The following GAD1 variants were observed in gnomAD, a reference collection of about 807,000 sequenced individuals.
GAD1 encodes glutamate decarboxylase 1.
Under a neutral mutation model 75.2 loss-of-function variants are expected in GAD1, and 35 were observed. The ratio of observed to expected loss-of-function variants is 0.47; its 90% CI spans 0.36 to 0.62. The LOEUF (loss-of-function observed/expected upper bound fraction) is 0.62, where lower values mean the gene tolerates loss of function less well. GAD1 is among the 20% of genes least tolerant of loss of function. GAD1 has a pLI of 0.00. For synonymous variants in GAD1, 257 were observed against 271.9 expected, an observed-to-expected ratio of 0.95 and a Z score of 0.54; for missense variants, 490 against 758.5, an observed-to-expected ratio of 0.65 and a Z score of 4.16.
intron 5 of GAD1, among the ~76,000 whole-genome samples, chr2:170,833,876 T>C (rs1575434228): frequency 6.6e-6 from 1 of 152,244 alleles, no homozygotes; most frequent in South Asian, 2.1e-4. Context: ...AGTGTGCACC[T>C]GTGATCCCAG....
intron 5 of GAD1, among the ~76,000 whole-genome samples, chr2:170,832,770 G>A (rs1702274763): frequency 6.6e-6 from 1 of 152,128 alleles, no homozygotes; most frequent in African/African-American, 2.4e-5. Context: ...TCTATTTCCA[G>A]TGGGAGTCCT....
rs1469948914 is a variant in GAD1, at chr2:170,818,576, C to T, written c.-16C>T. 2.5e-6 allele frequency: 4 copies of T among 1,613,444 alleles called. No individual in the cohort carries two copies. The highest frequency in any genetic ancestry group is 2.7e-5 in the African/African-American group (2 of 74,898). On this transcript the variant is annotated 5_prime_UTR_variant, in exon 2 of 17. Coordinates refer to ENST00000358196, the MANE Select transcript of GAD1 (RefSeq NM_000817.3). This position sits in a 1 kb window ranked among gnomAD's most constrained non-coding sequence, Gnocchi z 5.9. The stretch of plus-strand genomic sequence containing the variant: ...CGAGGACTCTGGACAGTAGAGGCCC[C>T]GGGACGACCGAGCTGATGGCGTCTT...
chr2:170,828,992 C>A, intron 3 of GAD1: 1 of 243,220 alleles, frequency 4.1e-6, no homozygotes, highest in Non-Finnish European at 7.9e-6. Flanking sequence ...CTCAGCTGTC[C>A]TCACCTCTCC....
chr2:170,846,766 G>A (rs1702641118), intron 10 of GAD1, among the ~76,000 whole-genome samples: 1 of 152,242 alleles, frequency 6.6e-6, no homozygotes, highest in Non-Finnish European at 1.5e-5. Flanking sequence ...AGCACTTTGG[G>A]AGGCTGAGGC....
intron 14 of GAD1, among the ~76,000 whole-genome samples, chr2:170,856,037 A>AT (rs1215803577): frequency 6.6e-6 from 1 of 152,156 alleles, no homozygotes; most frequent in Non-Finnish European, 1.5e-5. Context: ...GACCATAGTG[A>AT]TTGGTTGCTG....
At chr2:170,845,918 T>C (rs1016356753) in intron 9 of GAD1, 91 bp from the exon 10 acceptor site, 2 of 1,470,400 alleles carry the variant, frequency 1.4e-6, no homozygotes, top group African/African-American at 2.8e-5. Context: ...AAATATCCGA[T>C]TAAATTGCTT....
At chr2:170,816,414 G>A (rs1459647690), upstream of GAD1, 2 of 152,228 alleles carry the variant, frequency 1.3e-5, no homozygotes, top group African/African-American at 4.8e-5. Flanking sequence ...TTTCGCTCAA[G>A]GAAGCGTCGC....
chr2:170,856,610 T>G (rs906622419), intron 14 of GAD1, among the ~76,000 whole-genome samples: 1 of 152,244 alleles, frequency 6.6e-6, no homozygotes, highest in Non-Finnish European at 1.5e-5. Context: ...CTGTTTTTTA[T>G]TAGAGTCAAC....
chr2:170,818,341 A>C lies in GAD1; in HGVS notation c.-63-188A>C. 20 of 526,234 alleles carry C rather than the reference A, an allele frequency of 3.8e-5. No homozygotes were observed. Among genetic ancestry groups the C allele is most frequent in the East Asian group, 1.0e-4 (3 of 29,416 alleles). The allele number at this position is 526,234 out of a possible 1,614,324, so 32.6% of individuals were successfully genotyped here. ...CTCCCTGCGCCCCAGTACCGGAGCT[A>C]GCGCGCACGTCTCCTCCGCTGCCCC... On this transcript the variant is annotated intron_variant, in intron 1 of 16. Transcript: ENST00000358196. This position sits in a 1 kb window ranked among gnomAD's most constrained non-coding sequence, Gnocchi z 5.9.
chr2:170,848,722 C>T (rs772282561), intron 11 of GAD1: 1 of 518,690 alleles, frequency 1.9e-6, no homozygotes, highest in South Asian at 1.4e-5. Context: ...GATCATCTGC[C>T]TTGCTACTGA....
In GAD1 at chr2:170,860,077, C is replaced by A. The variant is rs879082863; in HGVS notation, c.*195C>A. The A allele has an allele frequency of 1.6e-6, 1 of 618,208 alleles. No individual in the cohort carries two copies. The highest frequency in any genetic ancestry group is 1.9e-5 in the South Asian group (1 of 53,108). The allele number at this position is 618,208 out of a possible 1,614,324, so 38.3% of individuals were successfully genotyped here. A position where few individuals can be genotyped will look rare whatever the true frequency, so the allele number is the denominator to read the frequency against. ...AAATAGTGTTCTTTTTAAAAAGTTG[C>A]ACATTAGGAACAGAGTATATATGTA... On this transcript the variant is annotated 3_prime_UTR_variant, in exon 17 of 17. Coordinates refer to ENST00000358196, the MANE Select transcript of GAD1 (RefSeq NM_000817.3).
intron 14 of GAD1, among the ~76,000 whole-genome samples, chr2:170,855,112 AAAC>A (rs138723969): frequency 0.025 from 3,846 of 152,254 alleles, 163 homozygotes; most frequent in African/African-American, 0.088. Context: ...ACTAACACTC[AAAC>A]AACAAGATTT....
intron 5 of GAD1, among the ~76,000 whole-genome samples, chr2:170,834,047 A>G (rs893573457): frequency 6.6e-6 from 1 of 151,898 alleles, no homozygotes; most frequent in African/African-American, 2.4e-5. Flanking sequence ...GACTTTCATT[A>G]GTCCAGTGTA....
chr2:170,850,209 G>A (rs1343142074), intron 12 of GAD1, among the ~76,000 whole-genome samples: 2 of 152,188 alleles, frequency 1.3e-5, no homozygotes, highest in South Asian at 2.1e-4. Context: ...TAAGAGATTT[G>A]TCCTCCTGAA....
chr2:170,834,174 T>C (rs1384345421), intron 5 of GAD1, among the ~76,000 whole-genome samples: 1 of 152,168 alleles, frequency 6.6e-6, no homozygotes, highest in Non-Finnish European at 1.5e-5. Context: ...TGAAACCTCC[T>C]GCTATATCTC....
chr2:170,828,105 G>GTCCTCCCCC (rs1553575084), intron 3 of GAD1, among the ~76,000 whole-genome samples: 3 of 12,530 alleles, frequency 2.4e-4, no homozygotes, highest in Non-Finnish European at 4.8e-4. Flanking sequence ...TCCTTCTGCT[G>GTCCTCCCCC]TCCTCCCTCT....
Position 170,853,605 on chromosome 2 carries a change from C to G in GAD1, c.1264-268C>G, listed in dbSNP as rs1246826269. 4.7e-6 allele frequency: 2 copies of G among 423,380 alleles called. No homozygotes were observed. The highest frequency in any genetic ancestry group is 4.0e-5 in the African/African-American group (2 of 49,742). The allele number at this position is 423,380 out of a possible 1,614,324, so 26.2% of individuals were successfully genotyped here. ...GCACTTCCCAATCTTGAAACAATCC[C>G]AGACACCCATACACATTTCCCCTTA... On this transcript the variant is annotated intron_variant, in intron 13 of 16. Coordinates refer to ENST00000358196, the MANE Select transcript of GAD1 (RefSeq NM_000817.3). The surrounding 1 kb of genome is among the most constrained non-coding windows in gnomAD (Gnocchi z 4.1).
intron 6 of GAD1, among the ~76,000 whole-genome samples, chr2:170,838,153 A>T (rs1702419375): frequency 2.0e-5 from 3 of 152,238 alleles, no homozygotes; most frequent in African/African-American, 7.2e-5. Context: ...AAAAAAGCAT[A>T]AAAGATTAAA....
chr2:170,815,211 C>T (rs1299499885), upstream of GAD1, among the ~76,000 whole-genome samples: 1 of 152,128 alleles, frequency 6.6e-6, no homozygotes, highest in Non-Finnish European at 1.5e-5. Context: ...TTTGGGGGGA[C>T]GTTTCCTACG....
Sources: allele counts gnomAD v4.1 joint callset (sites outside exome capture counted in the v4.1 genomes callset), GRCh38; gene constraint gnomAD v4.1.1; non-coding constraint Gnocchi (gnomAD v3.1); transcripts MANE v1.5; gene names NCBI Gene and HGNC (gene_info 2026-07-23, HGNC 2026-07-21).